Variants in TSGA10 observed in about 807,000 individuals in gnomAD.
TSGA10 encodes the protein testis-specific gene 10 protein.
Under a neutral mutation model 96.6 loss-of-function variants are expected in TSGA10, and 43 were observed. The ratio of observed to expected loss-of-function variants is 0.44; its 90% CI spans 0.35 to 0.57. The LOEUF (loss-of-function observed/expected upper bound fraction) is 0.57, where lower values mean the gene tolerates loss of function less well. TSGA10 is among the 20% of genes least tolerant of loss of function. The pLI is 0.01. For missense variants in TSGA10, 703 were observed against 834.4 expected, an observed-to-expected ratio of 0.84 and a Z score of 1.94; for synonymous variants, 229 against 269.9, an observed-to-expected ratio of 0.85 and a Z score of 1.48.
intron 20 of TSGA10, among the ~76,000 whole-genome samples, chr2:99,004,036 T>C (rs1370971822): frequency 6.6e-6 from 1 of 151,764 alleles, no homozygotes; most frequent in Non-Finnish European, 1.5e-5. Flanking sequence ...ATCAACAAAA[T>C]TGACACACCA....
chr2:99,064,232 G>C lies in TSGA10; in HGVS notation c.1404+707C>G, dbSNP rs573197906. Among the ~76,000 whole-genome samples the C allele has an allele frequency of 1.9e-4, 29 of 151,868 alleles. 2 individuals are homozygous for C. In the South Asian group the frequency reaches 5.6e-3, roughly 29 times the overall value. On this transcript the variant is annotated intron_variant, in intron 16 of 20. Coordinates refer to ENST00000393483, the MANE Select transcript of TSGA10 (RefSeq NM_025244.4). ...TTGCAGTGTTTTATCACAGAAAAAA[G>C]TGAAAAAAAATTAACTTTCCTTCAA...
At chr2:99,118,471 A>AAT in intron 3 of TSGA10, 80 bp downstream of exon 3, 1 of 482,772 alleles carries the variant, frequency 2.1e-6, no homozygotes, top group Non-Finnish European at 2.7e-6. Flanking sequence ...AAAAAAAAGT[A>AAT]TATATACATA....
At chr2:99,033,881 T>G (rs1211592983) in intron 17 of TSGA10, among the ~76,000 whole-genome samples, 1 of 151,854 alleles carries the variant, frequency 6.6e-6, no homozygotes, top group Non-Finnish European at 1.5e-5. Context: ...GGGCAACGAG[T>G]GAACACTGGG....
intron 12 of TSGA10, among the ~76,000 whole-genome samples, chr2:99,075,074 T>TA (rs1181545871): frequency 6.6e-6 from 1 of 152,160 alleles, no homozygotes; most frequent in Non-Finnish European, 1.5e-5. Context: ...CATTGTAAAG[T>TA]ATCCAGGGCA....
intron 10 of TSGA10, among the ~76,000 whole-genome samples, chr2:99,087,147 T>C (rs1427820743): frequency 1.3e-5 from 2 of 151,432 alleles, no homozygotes; most frequent in Non-Finnish European, 2.9e-5. Flanking sequence ...GAGCTTGCAG[T>C]GAGCCAAGAT....
chr2:99,025,743 T>C (rs1414673720), intron 17 of TSGA10, among the ~76,000 whole-genome samples: 2 of 152,222 alleles, frequency 1.3e-5, no homozygotes, highest in African/African-American at 4.8e-5. Flanking sequence ...TAAATTTCCC[T>C]CTAAGTACTG....
chr2:99,096,887 A>G (rs1385089315), intron 10 of TSGA10, among the ~76,000 whole-genome samples: 1 of 152,208 alleles, frequency 6.6e-6, no homozygotes, highest in African/African-American at 2.4e-5. Flanking sequence ...ACTTCATGCA[A>G]TTACTCACAG....
At chr2:99,083,787 G>C (rs547748041) in intron 10 of TSGA10, among the ~76,000 whole-genome samples, 5 of 152,130 alleles carry the variant, frequency 3.3e-5, no homozygotes, top group African/African-American at 4.8e-5. Flanking sequence ...CAACAGATTA[G>C]TGTCAGATAT....
intron 1 of TSGA10, among the ~76,000 whole-genome samples, chr2:99,130,472 G>A (rs1448311102): frequency 2.6e-5 from 4 of 152,026 alleles, no homozygotes; most frequent in African/African-American, 7.2e-5. Flanking sequence ...TGATGGGGTC[G>A]TCTGTTTTTT....
At chr2:99,080,132 T>C (rs1303989694) in intron 11 of TSGA10, among the ~76,000 whole-genome samples, 1 of 152,204 alleles carries the variant, frequency 6.6e-6, no homozygotes, top group Non-Finnish European at 1.5e-5. Context: ...GAGAGACTTC[T>C]ATTCTTTTCT....
intron 14 of TSGA10, among the ~76,000 whole-genome samples, chr2:99,070,020 G>C (rs933027192): frequency 6.6e-6 from 1 of 151,950 alleles, no homozygotes; most frequent in Non-Finnish European, 1.5e-5. Flanking sequence ...CTGCAATACT[G>C]GTTCTTAACC....
rs370800957 is a variant in TSGA10 at position 99,108,928 on chromosome 2, T to G, written c.115A>C (p.Met39Leu). ...AAATGGCGCTCATATTTTTCCAGCA[T>G]GCATTTAAGTTCTTCACGATCTCTT... ...TTRDREELKC[M>L]LEKYERHLAE... The change falls in exon 7 of 21, where the codon ATG becomes CTG. Residue 39 changes from methionine to leucine, a missense_variant. Transcript: ENST00000393483. The G allele has an allele frequency of 5.6e-6, 9 of 1,608,586 alleles. No individual in the cohort carries two copies. Among genetic ancestry groups the G allele is most frequent in the East Asian group, 2.2e-5 (1 of 44,716 alleles).
At chr2:99,150,934 TG>T (rs1257041155) in intron 1 of TSGA10, 1 of 723,304 alleles carries the variant, frequency 1.4e-6, no homozygotes, top group African/African-American at 1.8e-5. Flanking sequence ...GACAAAATGA[TG>T]GAAGACTATT....
intron 16 of TSGA10, among the ~76,000 whole-genome samples, chr2:99,041,632 T>C (rs1373568542): frequency 6.6e-6 from 1 of 152,114 alleles, no homozygotes; most frequent in African/African-American, 2.4e-5. Context: ...AAGCTATATG[T>C]AGAAGAATGA....
intron 16 of TSGA10, among the ~76,000 whole-genome samples, chr2:99,062,045 T>C (rs902285546): frequency 2.6e-5 from 4 of 152,182 alleles, no homozygotes; most frequent in Non-Finnish European, 2.9e-5. Flanking sequence ...TCTCCAGAAC[T>C]GTGAGAAAAT....
At chr2:98,998,256 T>C in intron 20 of TSGA10, 35 bp from the exon 21 acceptor site, 1 of 1,559,418 alleles carries the variant, frequency 6.4e-7, no homozygotes, top group Non-Finnish European at 8.7e-7. Context: ...TTAATATTTT[T>C]AATTCAACTT....
intron 10 of TSGA10, among the ~76,000 whole-genome samples, chr2:99,087,508 AC>A (rs1264587602): frequency 6.6e-6 from 1 of 152,144 alleles, no homozygotes; most frequent in Non-Finnish European, 1.5e-5. Context: ...CGCCGTCTGA[AC>A]AAAAAATAAA....
chr2:99,107,867 C>G (rs1212554476), intron 7 of TSGA10, among the ~76,000 whole-genome samples: 1 of 152,158 alleles, frequency 6.6e-6, no homozygotes. Context: ...TTGATTCCTG[C>G]TCTAGTGCAA....
chr2:99,010,408 C>A (rs2078904661), intron 20 of TSGA10, among the ~76,000 whole-genome samples: 2 of 152,228 alleles, frequency 1.3e-5, no homozygotes, highest in Non-Finnish European at 2.9e-5. Flanking sequence ...AGGTGAAAAA[C>A]TGTGAGTTCC....
Sources: allele counts gnomAD v4.1 joint callset (sites outside exome capture counted in the v4.1 genomes callset), GRCh38; gene constraint gnomAD v4.1.1; transcripts MANE v1.5; gene names NCBI Gene and HGNC (gene_info 2026-07-23, HGNC 2026-07-21).